Variants in DIAPH1 observed in about 807,000 individuals in gnomAD.
The protein encoded by DIAPH1 is diaphanous related formin 1.
In DIAPH1, 46 loss-of-function variants were observed where a neutral mutation model predicts 140.7. The observed-to-expected ratio is 0.33, with a 90% CI of 0.26 to 0.42. The LOEUF (loss-of-function observed/expected upper bound fraction) is 0.42, where lower values mean the gene tolerates loss of function less well. Among genes scored for constraint, DIAPH1 ranks in the 10% least tolerant of loss-of-function variants. DIAPH1 has a pLI of 1.00. For synonymous variants in DIAPH1, 565 were observed against 551.6 expected (o/e 1.02, Z -0.34); for missense variants, 1,310 against 1,558.7 (o/e 0.84, Z 2.69).
chr5:141,600,944 G>T (rs1157741083), intron 1 of DIAPH1, among the ~76,000 whole-genome samples: 3 of 151,978 alleles, frequency 2.0e-5, no homozygotes, highest in African/African-American at 7.3e-5. Context: ...GGATGAAGCT[G>T]GAAACCATCA....
At chr5:141,596,032 A>C (rs2099899260) in intron 1 of DIAPH1, among the ~76,000 whole-genome samples, 1 of 152,088 alleles carries the variant, frequency 6.6e-6, no homozygotes, top group Non-Finnish European at 1.5e-5. Context: ...AAATATTTAA[A>C]AATCAGCCAG....
intron 15 of DIAPH1, 91 bp downstream of exon 15, chr5:141,574,876 C>T: frequency 1.4e-6 from 2 of 1,414,946 alleles, no homozygotes; most frequent in Non-Finnish European, 2.0e-6. Flanking sequence ...AGTAGCTGAA[C>T]CCTCCCTAGG....
intron 18 of DIAPH1, among the ~76,000 whole-genome samples, chr5:141,554,677 T>C (rs1298842777): frequency 6.6e-6 from 1 of 152,090 alleles, no homozygotes; most frequent in Admixed American, 6.5e-5. Flanking sequence ...AATTAAGGGG[T>C]ATAAAATAAA....
intron 18 of DIAPH1, among the ~76,000 whole-genome samples, chr5:141,555,910 T>C (rs2099892496): frequency 6.6e-6 from 1 of 152,148 alleles, no homozygotes; most frequent in Non-Finnish European, 1.5e-5. Flanking sequence ...GGGGCCAATC[T>C]AGTCTCCACA....
At position 141,618,956 on chromosome 5, in the gene DIAPH1, T is replaced by A. The variant is rs550727999; in HGVS notation, c.-42A>T. On this transcript the variant is annotated 5_prime_UTR_variant, in exon 1 of 28. Coordinates refer to ENST00000389054, the MANE Select transcript of DIAPH1 (RefSeq NM_005219.5). ...GCCGGCGACCCCGCGCCTACGCCGC[T>A]CCCGCCTGGCAGCTCCGCGCCCGCC... is the stretch of plus-strand genomic sequence containing the variant. The A allele has an allele frequency of 8.1e-7, 1 of 1,236,302 alleles. No individual in the cohort carries two copies. Among genetic ancestry groups the A allele is most frequent in the East Asian group, 3.2e-5 (1 of 30,842 alleles). The allele number at this position is 1,236,302 out of a possible 1,614,324, so 76.6% of individuals were successfully genotyped here.
intron 3 of DIAPH1, 37 bp downstream of exon 3, chr5:141,587,005 A>C (rs1333557417): frequency 6.2e-7 from 1 of 1,612,798 alleles, no homozygotes; most frequent in East Asian, 2.2e-5. Context: ...CCATAAATGC[A>C]CAGGAAGAAG....
intron 1 of DIAPH1, among the ~76,000 whole-genome samples, chr5:141,598,268 G>A (rs973613059): frequency 6.6e-6 from 1 of 152,028 alleles, no homozygotes; most frequent in African/African-American, 2.4e-5. Context: ...TATTTTTAAA[G>A]GGGCAGAAAA....
intron 19 of DIAPH1, among the ~76,000 whole-genome samples, chr5:141,532,006 A>T (rs2099888303): frequency 6.6e-6 from 1 of 152,206 alleles, no homozygotes; most frequent in South Asian, 2.1e-4. Flanking sequence ...CTGCCAAAGC[A>T]GCCTTCCTAA....
intron 18 of DIAPH1, chr5:141,534,638 T>C: frequency 1.7e-6 from 1 of 602,300 alleles, no homozygotes; most frequent in Non-Finnish European, 3.0e-6. Flanking sequence ...CTCATTTTCA[T>C]TTCTTCAATA....
In DIAPH1 at chr5:141,536,210, G is replaced by GA. The variant is rs1286372894; in HGVS notation, c.2483-1778dup. ...CCTGCTACTCAGGAGGTTGACGTGG[G>GA]AAAATCACCTGAGCCCAGGAGATTG... is the stretch of plus-strand genomic sequence containing the variant. On this transcript the variant is annotated intron_variant, in intron 18 of 27. Transcript: ENST00000389054. 13 of 288,970 alleles carry GA rather than the reference G, an allele frequency of 4.5e-5. No individual in the cohort carries two copies. In the Admixed American group the frequency reaches 6.2e-4, roughly 14 times the overall value. 17.9% of individuals were successfully genotyped at this position (288,970 alleles called of 1,614,324 possible). A position where few individuals can be genotyped will look rare whatever the true frequency, so the allele number is the denominator to read the frequency against.
intron 15 of DIAPH1, 46 bp downstream of exon 15, chr5:141,574,921 C>A: frequency 5.0e-6 from 8 of 1,607,420 alleles, no homozygotes; most frequent in Non-Finnish European, 6.8e-6. Flanking sequence ...AAGCCATGTG[C>A]ATCCTGAGGT....
At chr5:141,577,659 A>G in intron 11 of DIAPH1, 68 bp from the exon 12 acceptor site, 2 of 1,031,498 alleles carry the variant, frequency 1.9e-6, no homozygotes, top group Non-Finnish European at 3.1e-6. Flanking sequence ...GGCTTATTTA[A>G]CTCTTGAAAA....
intron 1 of DIAPH1, among the ~76,000 whole-genome samples, chr5:141,595,034 T>A (rs989495183): frequency 7.8e-6 from 1 of 128,864 alleles, no homozygotes. Context: ...AGAGCGAAAC[T>A]CCATCTCAAA....
In DIAPH1 at chr5:141,576,218, T is replaced by A; in HGVS notation, c.1461+12A>T. The A allele has an allele frequency of 6.3e-7, 1 of 1,599,876 alleles. No individual in the cohort carries two copies. On this transcript the variant is annotated intron_variant, in intron 14 of 27. Coordinates refer to ENST00000389054, the MANE Select transcript of DIAPH1 (RefSeq NM_005219.5). ...TATACTCAAACACATGTCTTTGGTC[T>A]CTCATATGCACCTTCTTTTCCAGCT...
In DIAPH1 at chr5:141,591,432, G is replaced by T. The variant is rs550277812; in HGVS notation, c.118-3182C>A. On this transcript the variant is annotated intron_variant, in intron 1 of 27. Transcript: ENST00000389054. ...CCTATGAACAAATACTATAATCTAG[G>T]CTTGCTTCCCTAAAATATCAATCCC... is the stretch of plus-strand genomic sequence containing the variant. Among the ~76,000 whole-genome samples the T allele has an allele frequency of 2.6e-5, 4 of 151,462 alleles. 1 individual carries two copies. The South Asian group carries it at 8.3e-4, about 32-fold the overall frequency.
chr5:141,516,634 G>T lies in DIAPH1; in HGVS notation c.*217C>A. ...TACAACAGCCAGGGCTGGCTAAGTCGGGCTCAGGCCTCCCCTGCACTGCCC... is the reference window on the plus strand; with the variant it reads ...TACAACAGCCAGGGCTGGCTAAGTCTGGCTCAGGCCTCCCCTGCACTGCCC... On this transcript the variant is annotated 3_prime_UTR_variant, in exon 28 of 28. Coordinates refer to ENST00000389054, the MANE Select transcript of DIAPH1 (RefSeq NM_005219.5). 1 of 603,960 alleles carries T rather than the reference G, an allele frequency of 1.7e-6. No homozygotes were observed. Among genetic ancestry groups the T allele is most frequent in the Non-Finnish European group, 2.9e-6 (1 of 339,646 alleles). The allele number at this position is 603,960 out of a possible 1,614,324, so 37.4% of individuals were successfully genotyped here.
At chr5:141,583,149 T>C (rs2099897026) in intron 6 of DIAPH1, 57 bp downstream of exon 6, 6 of 1,459,868 alleles carry the variant, frequency 4.1e-6, no homozygotes, top group South Asian at 2.3e-5. Context: ...TCAGAGCAAA[T>C]AGCCAAGTCC....
At chr5:141,611,694 A>C (rs565744246) in intron 1 of DIAPH1, among the ~76,000 whole-genome samples, 4 of 152,356 alleles carry the variant, frequency 2.6e-5, no homozygotes, top group East Asian at 1.9e-4. Context: ...CAAAATCTTG[A>C]ACAGATTCTT....
chr5:141,530,521 A>G (rs980247808), intron 19 of DIAPH1, among the ~76,000 whole-genome samples: 3 of 152,152 alleles, frequency 2.0e-5, no homozygotes, highest in Non-Finnish European at 4.4e-5. Context: ...AGTAGCACCA[A>G]TGATAACTGG....
Sources: allele counts gnomAD v4.1 joint callset (sites outside exome capture counted in the v4.1 genomes callset), GRCh38; gene constraint gnomAD v4.1.1; transcripts MANE v1.5; gene names NCBI Gene and HGNC (gene_info 2026-07-23, HGNC 2026-07-21).